Variants in RAD50 observed in about 807,000 individuals in gnomAD.
RAD50 encodes DNA repair protein RAD50.
A neutral mutation model predicts 168.8 loss-of-function variants in RAD50; 132 were observed. That is an observed-to-expected ratio of 0.78 (90% CI 0.68 to 0.90). The LOEUF (loss-of-function observed/expected upper bound fraction) is 0.90, where lower values mean the gene tolerates loss of function less well. RAD50 is among the 40% of genes least tolerant of loss of function. The pLI is 0.00. For synonymous variants in RAD50, 525 were observed against 497.4 expected, an observed-to-expected ratio of 1.06 and a Z score of -0.74; for missense variants, 1,347 against 1,534.4, an observed-to-expected ratio of 0.88 and a Z score of 2.04.
At position 132,596,424 on chromosome 5, in the gene RAD50, T is replaced by A. The variant is rs565666769; in HGVS notation, c.2207+614T>A. ...TTAGGACTGTCTGTTGACATGCCAC[T>A]TTCTGAACCCAGCAAAAGAATTTAA... On this transcript the variant is annotated intron_variant, in intron 13 of 24. Coordinates refer to ENST00000378823, the MANE Select transcript of RAD50 (RefSeq NM_005732.4). 4.6e-5 allele frequency among the ~76,000 whole-genome samples: 7 copies of A among 152,364 alleles called. No homozygotes were observed. In the East Asian group the frequency reaches 1.3e-3, roughly 29 times the overall value.
intron 22 of RAD50, among the ~76,000 whole-genome samples, 190 bp downstream of exon 22, chr5:132,637,390 T>TAACA (rs1343610128): frequency 3.3e-5 from 5 of 152,160 alleles, no homozygotes; most frequent in Admixed American, 1.3e-4. Flanking sequence ...TTCCAGAGCC[T>TAACA]AACAGGACTT....
chr5:132,562,422 G>A (rs1179781571), intron 2 of RAD50, among the ~76,000 whole-genome samples: 1 of 152,098 alleles, frequency 6.6e-6, no homozygotes, highest in Non-Finnish European at 1.5e-5. Context: ...AGAAATGTTT[G>A]GATTTAGGAT....
intron 5 of RAD50, among the ~76,000 whole-genome samples, chr5:132,586,877 AAATAAT>A (rs764385442): frequency 2.0e-5 from 3 of 152,178 alleles, no homozygotes; most frequent in Non-Finnish European, 4.4e-5. Flanking sequence ...TCTGCATTTG[AAATAAT>A]AATAATAAAA....
intron 21 of RAD50, among the ~76,000 whole-genome samples, chr5:132,618,718 A>G (rs1751223098): frequency 6.6e-6 from 1 of 152,186 alleles, no homozygotes; most frequent in African/African-American, 2.4e-5. Flanking sequence ...TATGTATACC[A>G]TGGATTGGAA....
chr5:132,564,913 G>A (rs1284768504), intron 2 of RAD50, among the ~76,000 whole-genome samples: 1 of 152,188 alleles, frequency 6.6e-6, no homozygotes, highest in African/African-American at 2.4e-5. Flanking sequence ...GGGTTGCGCA[G>A]AGAACAAGAG....
intron 2 of RAD50, among the ~76,000 whole-genome samples, chr5:132,567,079 A>G (rs1750222474): frequency 6.6e-6 from 1 of 152,254 alleles, no homozygotes; most frequent in Admixed American, 6.5e-5. Flanking sequence ...CATGAAACCT[A>G]CAAAGTGCCT....
At chr5:132,624,127 A>G (rs1024473888) in intron 21 of RAD50, among the ~76,000 whole-genome samples, 2 of 152,154 alleles carry the variant, frequency 1.3e-5, no homozygotes, top group African/African-American at 4.8e-5. Flanking sequence ...CTTTTGTCCC[A>G]TTTCATTGTG....
chr5:132,587,491 T>G (rs1750612864), intron 5 of RAD50, 71 bp from the exon 6 acceptor site: 1 of 1,584,092 alleles, frequency 6.3e-7, no homozygotes, highest in Non-Finnish European at 8.6e-7. Context: ...CTGGAGTATC[T>G]TACTTGTCTT....
At chr5:132,587,315 G>A (rs998446435) in intron 5 of RAD50, among the ~76,000 whole-genome samples, 3 of 152,180 alleles carry the variant, frequency 2.0e-5, no homozygotes, top group Non-Finnish European at 2.9e-5. Context: ...TTGAGGACAG[G>A]ACATGGTGTT....
At chr5:132,600,311 G>A (rs933705210) in intron 13 of RAD50, among the ~76,000 whole-genome samples, 1 of 152,184 alleles carries the variant, frequency 6.6e-6, no homozygotes, top group Non-Finnish European at 1.5e-5. Flanking sequence ...AGGGTGGTAG[G>A]AGGGGACTTG....
chr5:132,637,689 C>T (rs1318527259), intron 22 of RAD50, among the ~76,000 whole-genome samples: 2 of 152,076 alleles, frequency 1.3e-5, no homozygotes, highest in African/African-American at 4.8e-5. Context: ...CGCGCTCCCA[C>T]ACCTGGCTAA....
chr5:132,575,265 A>G (rs1750372810), intron 2 of RAD50, among the ~76,000 whole-genome samples: 1 of 152,224 alleles, frequency 6.6e-6, no homozygotes, highest in Admixed American at 6.5e-5. Flanking sequence ...ATGGACAGCA[A>G]CAGGCAAAGA....
intron 24 of RAD50, among the ~76,000 whole-genome samples, chr5:132,641,357 C>G (rs1021406247): frequency 1.3e-5 from 2 of 152,116 alleles, no homozygotes; most frequent in African/African-American, 2.4e-5. Flanking sequence ...GCAGCTCTTG[C>G]ATAAGGACTA....
chr5:132,638,489 G>T (rs1021708053), intron 23 of RAD50, among the ~76,000 whole-genome samples: 1 of 151,966 alleles, frequency 6.6e-6, no homozygotes, highest in East Asian at 1.9e-4. Flanking sequence ...CTGAAGACCC[G>T]TTAGAGTTTT....
chr5:132,595,645 GC>G lies in RAD50; in HGVS notation c.2046del (p.Val683PhefsTer37). On this transcript the variant is annotated frameshift_variant, in exon 13 of 25. Transcript: ENST00000378823. LOFTEE classifies it high-confidence loss of function. Reference sequence around the variant, plus strand: ...CTAACAGACGAAAACCAGTCATGTTGCCCCGTTTGTCAGAGAGTTTTTCAGA... The same window carrying G: ...CTAACAGACGAAAACCAGTCATGTTGCCCGTTTGTCAGAGAGTTTTTCAGA... ...TQLTDENQSC[C>X]PVCQRVFQTE... 1 of 1,614,108 alleles carries G rather than the reference GC, an allele frequency of 6.2e-7. No homozygotes were observed. Among genetic ancestry groups the G allele is most frequent in the Non-Finnish European group, 8.5e-7 (1 of 1,179,988 alleles).
chr5:132,588,129 A>T, intron 7 of RAD50, 40 bp downstream of exon 7: 1 of 1,567,748 alleles, frequency 6.4e-7, no homozygotes, highest in Middle Eastern at 1.7e-4. Context: ...TCCTACTATG[A>T]TGTTATACAT....
At chr5:132,608,807 C>T (rs537833838) in intron 17 of RAD50, 82 bp downstream of exon 17, 73 of 1,496,974 alleles carry the variant, frequency 4.9e-5, no homozygotes, top group Middle Eastern at 2.4e-4. Flanking sequence ...ACTTATTTCA[C>T]ATGAAATTAA....
intron 21 of RAD50, among the ~76,000 whole-genome samples, chr5:132,629,128 G>T (rs1751419256): frequency 6.6e-6 from 1 of 152,164 alleles, no homozygotes; most frequent in African/African-American, 2.4e-5. Flanking sequence ...TGCATACCCT[G>T]AGAACCAGTG....
intron 22 of RAD50, 22 bp downstream of exon 22, chr5:132,637,222 A>G: frequency 1.2e-6 from 2 of 1,607,802 alleles, no homozygotes; most frequent in Non-Finnish European, 8.5e-7. Flanking sequence ...GGTGTATCAC[A>G]AATGCTCTTT....
Sources: allele counts gnomAD v4.1 joint callset (sites outside exome capture counted in the v4.1 genomes callset), GRCh38; gene constraint gnomAD v4.1.1; transcripts MANE v1.5; gene names NCBI Gene and HGNC (gene_info 2026-07-23, HGNC 2026-07-21).